Variants in UAP1 observed in about 807,000 individuals in gnomAD.
UAP1 encodes UDP-N-acetylhexosamine pyrophosphorylase.
In UAP1, 25 loss-of-function variants were observed where a neutral mutation model predicts 58.5. That is an observed-to-expected ratio of 0.43 (90% CI 0.31 to 0.60). UAP1 has a LOEUF of 0.60. UAP1 is among the 20% of genes least tolerant of loss of function. The pLI is 0.11. For missense variants in UAP1, 575 were observed against 630.0 expected (o/e 0.91, Z 0.93); for synonymous variants, 208 against 213.0 (o/e 0.98, Z 0.21).
chr1:162,566,407 A>G lies in UAP1; in HGVS notation c.280+59A>G, dbSNP rs573383672. ...TATTTGAGATATACTAAAATTGTTC[A>G]GGTAGCTGGATCATGTCACTAATAT... On this transcript the variant is annotated intron_variant, in intron 2 of 10. Transcript: ENST00000271469. The G allele has an allele frequency of 1.0e-4, 152 of 1,515,292 alleles. 1 individual carries two copies. The South Asian group carries it at 1.6e-3, about 16-fold the overall frequency. The allele number at this position is 1,515,292 out of a possible 1,614,324, so 93.9% of individuals were successfully genotyped here.
intron 3 of UAP1, among the ~76,000 whole-genome samples, chr1:162,577,447 T>C (rs1341164137): frequency 7.9e-6 from 1 of 125,998 alleles, no homozygotes; most frequent in Non-Finnish European, 1.7e-5. Flanking sequence ...TTTTTTTTTT[T>C]TTTTTTTTTT....
At position 162,592,729 on chromosome 1, in the gene UAP1, T is replaced by C. The variant is rs929132019; in HGVS notation, c.1359-3T>C. The C allele has an allele frequency of 3.9e-6, 6 of 1,547,062 alleles. No homozygotes were observed. Among genetic ancestry groups the C allele is most frequent in the Non-Finnish European group, 4.4e-6 (5 of 1,143,680 alleles). ...CCATTAATCCTTATTTATTCCCACA[T>C]AGCAGTGCTACAAATGGGAAGTCAG... On this transcript the variant is annotated splice_region_variant and splice_polypyrimidine_tract_variant and intron_variant, in intron 8 of 10. Transcript: ENST00000271469.
At chr1:162,591,421 A>G (rs893104609) in intron 8 of UAP1, among the ~76,000 whole-genome samples, 2 of 152,324 alleles carry the variant, frequency 1.3e-5, no homozygotes, top group Non-Finnish European at 2.9e-5. Context: ...AGAAGTTAAA[A>G]AAAGAAGGTA....
At chr1:162,561,844 C>T (rs991959212) in intron 1 of UAP1, 67 bp downstream of exon 1, 7 of 152,296 alleles carry the variant, frequency 4.6e-5, no homozygotes, top group African/African-American at 1.4e-4. Context: ...AGGGCCTGGC[C>T]CCACCGCACA....
At chr1:162,590,592 G>A in intron 8 of UAP1, 81 bp downstream of exon 8, 1 of 1,128,014 alleles carries the variant, frequency 8.9e-7, no homozygotes, top group Non-Finnish European at 1.2e-6. Flanking sequence ...CTCTCTCTCT[G>A]TATTCCTAGA....
At chr1:162,599,466 C>T (rs747415125) in exon 11 of UAP1, 12 of 709,586 alleles carry the variant, frequency 1.7e-5, no homozygotes, top group Admixed American at 5.5e-5. Context: ...TTTAAATATC[C>T]ACAGGGTTTT....
chr1:162,562,391 CTTT>C (rs201515119), intron 1 of UAP1: 1 of 151,520 alleles, frequency 6.6e-6, no homozygotes, highest in African/African-American at 2.4e-5. Flanking sequence ...TTTTTTCTTT[CTTT>C]TTTTTGGTTT....
rs540631475 is a variant in UAP1 at position 162,562,848 on chromosome 1, T to C, written c.-58+1071T>C. Among the ~76,000 whole-genome samples, 13 of 152,302 alleles carry C rather than the reference T, an allele frequency of 8.5e-5. No homozygotes were observed. In the South Asian group the frequency reaches 2.1e-3, roughly 24 times the overall value. On this transcript the variant is annotated intron_variant, in intron 1 of 10. Transcript: ENST00000271469. ...TCAAAAGCTTTAAGAGGTTTACTTA[T>C]TCATTTCGAGGGCATACGTATACCA... is the stretch of plus-strand genomic sequence containing the variant.
chr1:162,577,982 C>T lies in UAP1; in HGVS notation c.485+1001C>T, dbSNP rs1322079798. On this transcript the variant is annotated intron_variant, in intron 3 of 10. Coordinates refer to ENST00000271469, the Ensembl canonical transcript of UAP1. Reference sequence around the variant, plus strand: ...CTGAGCTCAAGTGAGCTGCCCCCCTCGACCTCCCAAAATGCTGAGATTACA... The same window carrying T: ...CTGAGCTCAAGTGAGCTGCCCCCCTTGACCTCCCAAAATGCTGAGATTACA... 3.3e-5 allele frequency among the ~76,000 whole-genome samples: 5 copies of T among 151,958 alleles called. 1 individual carries two copies. Among genetic ancestry groups the T allele is most frequent in the South Asian group, 4.2e-4 (2 of 4,818 alleles).
chr1:162,596,150 G>T (rs1028052641), intron 9 of UAP1, among the ~76,000 whole-genome samples: 1 of 151,534 alleles, frequency 6.6e-6, no homozygotes, highest in Non-Finnish European at 1.5e-5. Context: ...ACCACACCCG[G>T]CCACATTAAT....
At chr1:162,581,222 AC>A (rs1437145691) in intron 4 of UAP1, 64 bp from the exon 5 acceptor site, 3 of 1,493,660 alleles carry the variant, frequency 2.0e-6, no homozygotes, top group African/African-American at 2.8e-5. Flanking sequence ...TAGTTTGGAA[AC>A]AATCTTTGTG....
At chr1:162,563,032 A>C (rs927703505) in intron 1 of UAP1, among the ~76,000 whole-genome samples, 2 of 152,222 alleles carry the variant, frequency 1.3e-5, no homozygotes, top group African/African-American at 4.8e-5. Context: ...GGCTGTGGGC[A>C]TGTACCAAGT....
intron 9 of UAP1, among the ~76,000 whole-genome samples, chr1:162,594,900 T>C (rs1655529387): frequency 6.6e-6 from 1 of 152,198 alleles, no homozygotes; most frequent in African/African-American, 2.4e-5. Context: ...GCGTAATCCT[T>C]AGCACCAAAG....
intron 1 of UAP1, among the ~76,000 whole-genome samples, chr1:162,563,357 C>CT (rs200974598): frequency 3.9e-4 from 57 of 146,968 alleles, no homozygotes; most frequent in Middle Eastern, 3.5e-3. Flanking sequence ...ATGAGGTACC[C>CT]TTTTTTTTTT....
At chr1:162,577,084 T>G in intron 3 of UAP1, 103 bp downstream of exon 3, 1 of 1,152,370 alleles carries the variant, frequency 8.7e-7, no homozygotes, top group Non-Finnish European at 1.2e-6. Flanking sequence ...TTCTTGTTAC[T>G]GTTGATTTTC....
intron 5 of UAP1, among the ~76,000 whole-genome samples, chr1:162,584,396 A>T (rs78419594): frequency 0.11 from 17,212 of 152,296 alleles, 1,242 homozygotes; most frequent in Middle Eastern, 0.15. Context: ...AGAAAATCAA[A>T]GCATTAAAAT....
chr1:162,599,408 T>G, exon 11 of UAP1: 1 of 1,303,458 alleles, frequency 7.7e-7, no homozygotes, highest in Non-Finnish European at 1.1e-6. Context: ...TAGCTTTTAT[T>G]TTTGATAGAC....
intron 7 of UAP1, 111 bp from the exon 8 acceptor site, chr1:162,590,212 G>A (rs1455325418): frequency 1.2e-6 from 1 of 801,928 alleles, no homozygotes; most frequent in Non-Finnish European, 1.9e-6. Flanking sequence ...TCATCATTCA[G>A]ATTGGAATAG....
chr1:162,583,374 C>T (rs897587266), intron 5 of UAP1, among the ~76,000 whole-genome samples: 4 of 151,436 alleles, frequency 2.6e-5, no homozygotes, highest in South Asian at 2.1e-4. Flanking sequence ...AGGCTGGTCT[C>T]GAACGCCTGA....
Sources: gnomAD v4.1 joint callset for allele counts (sites outside exome capture counted in the v4.1 genomes callset) on GRCh38, gnomAD v4.1.1 for gene constraint, MANE v1.5 for transcripts, NCBI Gene and HGNC (gene_info 2026-07-23, HGNC 2026-07-21) for gene names.